The following GLB1L3 variants were observed in gnomAD, a reference collection of about 807,000 sequenced individuals.
GLB1L3 encodes the protein beta-galactosidase-1-like protein 3.
GLB1L3 carries 89 observed loss-of-function variants against 89.5 expected under a neutral mutation model. The observed-to-expected ratio is 0.99, with a 90% confidence interval of 0.84 to 1.19. GLB1L3 has a LOEUF of 1.19. GLB1L3 is among the 50% of genes most tolerant of loss of function. GLB1L3 has a pLI of 0.00. For synonymous variants in GLB1L3, 314 were observed against 312.3 expected (o/e 1.01, Z -0.06); for missense variants, 812 against 813.3 (o/e 1.00, Z 0.02).
intron 7 of GLB1L3, among the ~76,000 whole-genome samples, chr11:134,291,803 C>T (rs530450762): frequency 1.3e-5 from 2 of 152,100 alleles, no homozygotes; most frequent in African/African-American, 4.8e-5. Context: ...AGTGAGCCCC[C>T]GTTTCTACTA....
At position 134,292,123 on chromosome 11, in the gene GLB1L3, T is replaced by C. The variant is rs1336616571; in HGVS notation, c.730-9T>C. 1 of 1,611,504 alleles carries C rather than the reference T, an allele frequency of 6.2e-7. No homozygotes were observed. Among genetic ancestry groups the C allele is most frequent in the African/African-American group, 1.3e-5 (1 of 74,882 alleles). ...GAATTGGGTTCATTTTGGTTAATTT[T>C]CTCAACAGGCCCTGCTGAGAAGAGG... is the stretch of plus-strand genomic sequence containing the variant. On this transcript the variant is annotated splice_polypyrimidine_tract_variant and intron_variant, in intron 7 of 19. Coordinates refer to ENST00000431683, the MANE Select transcript of GLB1L3 (RefSeq NM_001080407.3).
At chr11:134,322,330 A>G (rs978485464), downstream of GLB1L3, among the ~76,000 whole-genome samples, 1 of 152,222 alleles carries the variant, frequency 6.6e-6, no homozygotes, top group African/African-American at 2.4e-5. Context: ...TTCCAGATCT[A>G]TATGTAGAAA....
In GLB1L3 at chr11:134,292,697, T is replaced by G. The variant is rs868731242; in HGVS notation, c.812-448T>G. On this transcript the variant is annotated intron_variant, in intron 8 of 19. Transcript: ENST00000431683. ...AGAGAATTAAGTGGCAGGAAGATTC[T>G]GGACGGACTCATCAGATGGCAATAG... is the stretch of plus-strand genomic sequence containing the variant. The G allele has an allele frequency of 1.6e-5, 4 of 252,794 alleles. 1 individual carries two copies. The South Asian group carries it at 2.1e-4, about 14-fold the overall frequency. The allele number at this position is 252,794 out of a possible 1,614,324, so 15.7% of individuals were successfully genotyped here.
intron 9 of GLB1L3, among the ~76,000 whole-genome samples, chr11:134,306,456 ACAT>A (rs1309186130): frequency 6.6e-6 from 1 of 152,214 alleles, no homozygotes; most frequent in East Asian, 1.9e-4. Context: ...GATCTGGAAA[ACAT>A]CATAATCCAA....
chr11:134,307,677 G>C (rs1026698824), intron 10 of GLB1L3, among the ~76,000 whole-genome samples: 1 of 152,182 alleles, frequency 6.6e-6, no homozygotes, highest in Non-Finnish European at 1.5e-5. Flanking sequence ...AACATGCAGC[G>C]ATAGCCAAGA....
chr11:134,321,944 CAT>C (rs1168309222), downstream of GLB1L3, among the ~76,000 whole-genome samples: 1 of 151,690 alleles, frequency 6.6e-6, no homozygotes, highest in Non-Finnish European at 1.5e-5. Context: ...AGTAGAAACA[CAT>C]ATTAAGACAG....
chr11:134,310,741 G>A, intron 12 of GLB1L3, 90 bp downstream of exon 12: 1 of 939,610 alleles, frequency 1.1e-6, no homozygotes, highest in Non-Finnish European at 1.7e-6. Flanking sequence ...GGTCTCCCTT[G>A]TGGGCAGCAG....
intron 18 of GLB1L3, among the ~76,000 whole-genome samples, chr11:134,318,278 A>C (rs1207696205): frequency 6.6e-6 from 1 of 152,194 alleles, no homozygotes; most frequent in Non-Finnish European, 1.5e-5. Flanking sequence ...TTGCAAGCAG[A>C]TTTTTAAAAA....
At chr11:134,292,371 T>C in intron 8 of GLB1L3, 158 bp downstream of exon 8, 1 of 593,672 alleles carries the variant, frequency 1.7e-6, no homozygotes, top group Admixed American at 2.8e-5. Context: ...AAATGAGGAC[T>C]CAAGGTTAAG....
intron 9 of GLB1L3, among the ~76,000 whole-genome samples, chr11:134,298,052 A>C (rs1415579054): frequency 6.6e-6 from 1 of 151,816 alleles, no homozygotes; most frequent in Non-Finnish European, 1.5e-5. Context: ...ATGAGAAGTC[A>C]GTATTAATTC....
chr11:134,321,815 T>C (rs1304148791), downstream of GLB1L3, among the ~76,000 whole-genome samples: 2 of 152,020 alleles, frequency 1.3e-5, no homozygotes, highest in Non-Finnish European at 2.9e-5. Context: ...ATACACCTAA[T>C]GTAAATGAGG....
At chr11:134,304,007 G>T (rs1189783345) in intron 9 of GLB1L3, among the ~76,000 whole-genome samples, 1 of 151,734 alleles carries the variant, frequency 6.6e-6, no homozygotes, top group African/African-American at 2.4e-5. Flanking sequence ...TTCTTTTTTT[G>T]TTTTCTGCAG....
At position 134,277,323 on chromosome 11, in the gene GLB1L3, C is replaced by A. The variant is rs1591526376; in HGVS notation, c.24-3C>A. Reference sequence around the variant, plus strand: ...TTGTCACTGTTGTCCTTTCTCCTTTCAGCCCGTGTCTCTCCTGGAAGAGAA... The same window carrying A: ...TTGTCACTGTTGTCCTTTCTCCTTTAAGCCCGTGTCTCTCCTGGAAGAGAA... On this transcript the variant is annotated splice_polypyrimidine_tract_variant and splice_region_variant and intron_variant, in intron 1 of 19. Coordinates refer to ENST00000431683, the MANE Select transcript of GLB1L3 (RefSeq NM_001080407.3). The A allele has an allele frequency of 1.2e-6, 2 of 1,613,898 alleles. No homozygotes were observed. The highest frequency in any genetic ancestry group is 1.6e-4 in the Middle Eastern group (1 of 6,062).
intron 9 of GLB1L3, among the ~76,000 whole-genome samples, chr11:134,302,607 A>G (rs914686263): frequency 1.2e-4 from 19 of 152,288 alleles, no homozygotes; most frequent in East Asian, 5.8e-4. Context: ...TGAAAATTCT[A>G]TGTACTAAGG....
chr11:134,279,364 CTTTTTTTTTTT>C (rs10577769), intron 3 of GLB1L3, among the ~76,000 whole-genome samples: 1 of 108,342 alleles, frequency 9.2e-6, no homozygotes. Context: ...TTTTCTTTTT[CTTTTTTTTTTT>C]TTTTTTTTTG....
At chr11:134,317,842 C>A (rs1406953287) in intron 18 of GLB1L3, among the ~76,000 whole-genome samples, 1 of 152,062 alleles carries the variant, frequency 6.6e-6, no homozygotes, top group African/African-American at 2.4e-5. Context: ...CTGCTTTTAT[C>A]TTTCTTATGT....
At position 134,285,492 on chromosome 11, in the gene GLB1L3, A is replaced by T. The variant is rs1323622931; in HGVS notation, c.636+1647A>T. Among the ~76,000 whole-genome samples, 8 of 152,278 alleles carry T rather than the reference A, an allele frequency of 5.3e-5. No homozygotes were observed. The South Asian group carries it at 1.5e-3, about 28-fold the overall frequency. On this transcript the variant is annotated intron_variant, in intron 6 of 19. Coordinates refer to ENST00000431683, the MANE Select transcript of GLB1L3 (RefSeq NM_001080407.3). ...TTGATGCAGCTCGAGATGGGATAAA[A>T]ATCTAGATTATGGCCTGGCATGGTG...
intron 10 of GLB1L3, among the ~76,000 whole-genome samples, chr11:134,308,509 CACCACCACCATGTCCACCACCACT>C (rs1234623104): frequency 1.1e-5 from 1 of 93,158 alleles, no homozygotes; most frequent in South Asian, 4.0e-4. Flanking sequence ...ATACCACCAC[CACCACCACCATGTCCACCACCACT>C]ACCACCACCA....
In GLB1L3 at chr11:134,289,163, A is replaced by G. The variant is rs138851010; in HGVS notation, c.729+273A>G. The stretch of plus-strand genomic sequence containing the variant: ...CGATTAATGCAGGTTTTGTATATCT[A>G]TTATATACTGTATTCTTACAGCAAA... On this transcript the variant is annotated intron_variant, in intron 7 of 19. Coordinates refer to ENST00000431683, the MANE Select transcript of GLB1L3 (RefSeq NM_001080407.3). Among the ~76,000 whole-genome samples, 22 of 152,304 alleles carry G rather than the reference A, an allele frequency of 1.4e-4. No homozygotes were observed. The East Asian group carries it at 3.5e-3, about 24-fold the overall frequency.
Sources: allele counts gnomAD v4.1 joint callset (sites outside exome capture counted in the v4.1 genomes callset), GRCh38; gene constraint gnomAD v4.1.1; transcripts MANE v1.5; gene names NCBI Gene and HGNC (gene_info 2026-07-23, HGNC 2026-07-21).